ADCY2: variants seen among roughly 807,000 people sequenced by gnomAD.
ADCY2 encodes adenylate cyclase 2, also known as adenylate cyclase type 2.
ADCY2 carries 31 observed loss-of-function variants against 125.2 expected under a neutral mutation model. The ratio of observed to expected loss-of-function variants is 0.25; its 90% CI spans 0.19 to 0.33. ADCY2 has a LOEUF of 0.33. Ranked by LOEUF, ADCY2 falls within the 10% of genes least tolerant of loss-of-function variation. The pLI is 1.00. For missense variants in ADCY2, 904 were observed against 1,418.2 expected (o/e 0.64, Z 5.82); for synonymous variants, 512 against 548.4 (o/e 0.93, Z 0.93).
At chr5:7,588,797 G>A (rs774512283) in intron 3 of ADCY2, among the ~76,000 whole-genome samples, 5 of 152,176 alleles carry the variant, frequency 3.3e-5, no homozygotes, top group African/African-American at 7.2e-5. Flanking sequence ...CTCTTGGGCT[G>A]TACAAAAACA....
Position 7,705,955 on chromosome 5 carries a change from G to A in ADCY2, c.1110-789G>A, listed in dbSNP as rs113573293. Among the ~76,000 whole-genome samples, 106 of 152,284 alleles carry A rather than the reference G, an allele frequency of 7.0e-4. 2 individuals are homozygous for A. The East Asian group carries it at 0.013, about 19-fold the overall frequency. On this transcript the variant is annotated intron_variant, in intron 7 of 24. Transcript: ENST00000338316. ...ATTTCACTACAATTCACAAGTGGTG[G>A]TGTCTTTATTTGATTGTGCTGCAGT...
intron 3 of ADCY2, among the ~76,000 whole-genome samples, chr5:7,549,282 C>T (rs1410486160): frequency 6.6e-6 from 1 of 152,192 alleles, no homozygotes. Context: ...CCTCTTTCCT[C>T]CAGATCCCTG....
At chr5:7,643,888 A>G (rs1249197172) in intron 4 of ADCY2, among the ~76,000 whole-genome samples, 1 of 151,722 alleles carries the variant, frequency 6.6e-6, no homozygotes, top group Non-Finnish European at 1.5e-5. Flanking sequence ...GTTTTCTTTT[A>G]AAGTATTATT....
chr5:7,719,116 A>T (rs996813846), intron 12 of ADCY2, among the ~76,000 whole-genome samples: 2 of 152,224 alleles, frequency 1.3e-5, no homozygotes, highest in African/African-American at 4.8e-5. Flanking sequence ...TTCCTACCAA[A>T]CAAATCATCA....
At chr5:7,699,718 G>C (rs960767640) in intron 7 of ADCY2, among the ~76,000 whole-genome samples, 1 of 152,082 alleles carries the variant, frequency 6.6e-6, no homozygotes, top group South Asian at 2.1e-4. Context: ...TTCCCAAGTA[G>C]CTGGGACCAC....
At chr5:7,465,978 TAA>T (rs1462196257) in intron 2 of ADCY2, among the ~76,000 whole-genome samples, 1 of 152,114 alleles carries the variant, frequency 6.6e-6, no homozygotes, top group East Asian at 1.9e-4. Context: ...TCTTGGAAAA[TAA>T]AAAGTCTATT....
chr5:7,493,782 A>T (rs915624696), intron 2 of ADCY2, among the ~76,000 whole-genome samples: 6 of 152,166 alleles, frequency 3.9e-5, no homozygotes, highest in Non-Finnish European at 8.8e-5. Context: ...TGAGATACAC[A>T]AATTGTTGCT....
chr5:7,764,956 A>G (rs1743335199), intron 16 of ADCY2, among the ~76,000 whole-genome samples: 1 of 152,218 alleles, frequency 6.6e-6, no homozygotes, highest in South Asian at 2.1e-4. Flanking sequence ...TCTTGAATTT[A>G]CGGGTAGTTG....
At chr5:7,700,687 T>G (rs975372976) in intron 7 of ADCY2, among the ~76,000 whole-genome samples, 2 of 104,360 alleles carry the variant, frequency 1.9e-5, no homozygotes, top group African/African-American at 6.7e-5. Context: ...CTGGGAAGAT[T>G]AATGCCCCCA....
chr5:7,748,730 G>A (rs1476836617), intron 15 of ADCY2, among the ~76,000 whole-genome samples: 1 of 152,084 alleles, frequency 6.6e-6, no homozygotes, highest in Non-Finnish European at 1.5e-5. Context: ...CCAATGAGTG[G>A]TTCTGATTCC....
intron 4 of ADCY2, among the ~76,000 whole-genome samples, chr5:7,688,395 G>A (rs527760771): frequency 2.0e-5 from 3 of 151,884 alleles, no homozygotes; most frequent in Admixed American, 6.6e-5. Flanking sequence ...AGCCTCCCAA[G>A]TAGCTGGGAC....
In ADCY2 at chr5:7,768,236, G is replaced by A. The variant is rs566293633; in HGVS notation, c.2214+1430G>A. On this transcript the variant is annotated intron_variant, in intron 17 of 24. Transcript: ENST00000338316. The stretch of plus-strand genomic sequence containing the variant: ...TCATAAACTCCAGTAAGGGCTAGGC[G>A]TTGCCTTCTCTATTTAGTTATGTGA... Among the ~76,000 whole-genome samples, 37 of 152,290 alleles carry A rather than the reference G, an allele frequency of 2.4e-4. 1 individual carries two copies. The South Asian group carries it at 5.6e-3, about 23-fold the overall frequency.
chr5:7,687,239 T>TA (rs1438814229), intron 4 of ADCY2, among the ~76,000 whole-genome samples: 1 of 152,234 alleles, frequency 6.6e-6, no homozygotes. Flanking sequence ...GATTTTAACT[T>TA]ACATTTGGTT....
At chr5:7,542,515 G>C (rs1381334074) in intron 3 of ADCY2, among the ~76,000 whole-genome samples, 2 of 152,166 alleles carry the variant, frequency 1.3e-5, no homozygotes, top group Non-Finnish European at 2.9e-5. Context: ...GTCCTTTCAT[G>C]ATTTGCTAAA....
At chr5:7,446,778 G>T (rs1369674787) in intron 2 of ADCY2, among the ~76,000 whole-genome samples, 3 of 152,124 alleles carry the variant, frequency 2.0e-5, no homozygotes, top group Admixed American at 6.5e-5. Flanking sequence ...TTGCCATGCG[G>T]TCTATTTGTT....
intron 3 of ADCY2, among the ~76,000 whole-genome samples, chr5:7,593,416 G>T (rs547426171): frequency 6.6e-6 from 1 of 152,164 alleles, no homozygotes; most frequent in Non-Finnish European, 1.5e-5. Context: ...AAGGCCGTTC[G>T]CATGCAAACA....
chr5:7,743,596 GT>G, intron 14 of ADCY2, 71 bp from the exon 15 acceptor site: 1 of 1,407,718 alleles, frequency 7.1e-7, no homozygotes, highest in Non-Finnish European at 1.0e-6. Context: ...TAACCCAAAA[GT>G]ATTACTGGTA....
chr5:7,445,685 G>A (rs1030251179), intron 2 of ADCY2, among the ~76,000 whole-genome samples: 2 of 152,220 alleles, frequency 1.3e-5, no homozygotes, highest in East Asian at 1.9e-4. Context: ...GGTTTAACAC[G>A]TATCTCATTT....
chr5:7,419,290 C>T (rs912989899), intron 2 of ADCY2, among the ~76,000 whole-genome samples: 3 of 152,090 alleles, frequency 2.0e-5, no homozygotes, highest in African/African-American at 2.4e-5. Context: ...CAGCCGTTAT[C>T]GCTGTGATTA....
Sources: allele counts gnomAD v4.1 joint callset (sites outside exome capture counted in the v4.1 genomes callset), GRCh38; gene constraint gnomAD v4.1.1; transcripts MANE v1.5; gene names NCBI Gene and HGNC (gene_info 2026-07-23, HGNC 2026-07-21).